SRRM3: variants seen among roughly 807,000 people sequenced by gnomAD.
SRRM3 encodes serine/arginine repetitive matrix 3.
A neutral mutation model predicts 66.2 loss-of-function variants in SRRM3; 27 were observed. The ratio of observed to expected loss-of-function variants is 0.41; its 90% CI spans 0.30 to 0.56. SRRM3 has a LOEUF of 0.56. SRRM3 is among the 20% of genes least tolerant of loss of function. The pLI is 0.32. For missense variants in SRRM3, 918 were observed against 991.9 expected (o/e 0.93, Z 1.00); for synonymous variants, 391 against 414.9 (o/e 0.94, Z 0.70).
intron 8 of SRRM3, among the ~76,000 whole-genome samples, chr7:76,263,718 C>G (rs1427739671): frequency 6.6e-6 from 1 of 151,370 alleles, no homozygotes; most frequent in Non-Finnish European, 1.5e-5. Context: ...AACAAACAAA[C>G]AAAAAATAGC....
chr7:76,219,294 A>G (rs1035021582), intron 1 of SRRM3, among the ~76,000 whole-genome samples: 1 of 152,116 alleles, frequency 6.6e-6, no homozygotes, highest in Non-Finnish European at 1.5e-5. Flanking sequence ...AAGGCTCTGT[A>G]TGACCTGTCC....
chr7:76,214,618 A>G (rs1800512926), intron 1 of SRRM3, among the ~76,000 whole-genome samples: 1 of 152,096 alleles, frequency 6.6e-6, no homozygotes, highest in African/African-American at 2.4e-5. Flanking sequence ...ACCGCTGCTC[A>G]GGGACTGTGC....
intron 11 of SRRM3, among the ~76,000 whole-genome samples, chr7:76,273,787 G>C (rs777086150): frequency 6.6e-6 from 1 of 152,028 alleles, no homozygotes; most frequent in Non-Finnish European, 1.5e-5. Flanking sequence ...GAGCTACAAA[G>C]CTATGTTTCC....
chr7:76,282,541 C>T lies in SRRM3; in HGVS notation c.1371-107C>T, dbSNP rs189948036. On this transcript the variant is annotated intron_variant, in intron 12 of 14. Coordinates refer to ENST00000611745, the MANE Select transcript of SRRM3 (RefSeq NM_001110199.3). ...CTCCGCGCGAACTGACCACAAACTA[C>T]ACGGACCCCGCCCCTCCGCCCTAAG... The T allele has an allele frequency of 4.0e-3, 2,386 of 595,774 alleles. 81 individuals carry two copies. In the African/African-American group the frequency reaches 0.045, roughly 11 times the overall value. 36.9% of individuals were successfully genotyped at this position (595,774 alleles called of 1,614,324 possible).
At chr7:76,271,489 A>T (rs1802212501) in intron 11 of SRRM3, among the ~76,000 whole-genome samples, 1 of 151,830 alleles carries the variant, frequency 6.6e-6, no homozygotes, top group African/African-American at 2.4e-5. Flanking sequence ...CAAAAATTTA[A>T]AAGAAAAAGC....
chr7:76,256,200 A>G (rs2117045803), intron 3 of SRRM3, among the ~76,000 whole-genome samples: 1 of 152,212 alleles, frequency 6.6e-6, no homozygotes, highest in Non-Finnish European at 1.5e-5. Flanking sequence ...TTAAGAGAGT[A>G]AAGGAACGAA....
In SRRM3 at chr7:76,285,609, C is replaced by T. The variant is rs982053085; in HGVS notation, c.1734-6C>T. On this transcript the variant is annotated splice_region_variant and splice_polypyrimidine_tract_variant and intron_variant, in intron 14 of 14. Coordinates refer to ENST00000611745, the MANE Select transcript of SRRM3 (RefSeq NM_001110199.3). The surrounding 1 kb of genome is among the most constrained non-coding windows in gnomAD (Gnocchi z 4.1). The stretch of plus-strand genomic sequence containing the variant: ...TGGCCTGTAATCAGCTTTTTCTTCC[C>T]GGCAGCGCCCGCAAGCGTCCTATTC... The T allele has an allele frequency of 6.8e-5, 105 of 1,546,888 alleles. No individual in the cohort carries two copies. In the Admixed American group the frequency reaches 1.1e-3, roughly 16 times the overall value.
intron 11 of SRRM3, among the ~76,000 whole-genome samples, chr7:76,275,041 G>A (rs183459042): frequency 6.6e-6 from 1 of 151,798 alleles, no homozygotes; most frequent in Non-Finnish European, 1.5e-5. Context: ...GGGAGGCAGA[G>A]GCTGCAGTGA....
At chr7:76,258,727 A>G (rs1344474707) in intron 3 of SRRM3, among the ~76,000 whole-genome samples, 10 of 146,366 alleles carry the variant, frequency 6.8e-5, no homozygotes, top group South Asian at 2.2e-4. Context: ...AAAAAAAAAA[A>G]AAAAAAGAAA....
intron 2 of SRRM3, 123 bp downstream of exon 2, chr7:76,235,422 C>A: frequency 2.2e-6 from 2 of 900,150 alleles, no homozygotes; most frequent in Non-Finnish European, 3.2e-6. Flanking sequence ...GGGCTAGGGG[C>A]TATTAGGGCG....
intron 2 of SRRM3, among the ~76,000 whole-genome samples, chr7:76,238,143 C>T (rs1288687279): frequency 1.3e-5 from 2 of 152,316 alleles, no homozygotes; most frequent in East Asian, 3.9e-4. Context: ...CTCCCAAATC[C>T]AGGCTTCCAG....
At chr7:76,283,122 G>C in intron 14 of SRRM3, 21 bp downstream of exon 14, 2 of 1,406,462 alleles carry the variant, frequency 1.4e-6, no homozygotes, top group East Asian at 2.7e-5. Context: ...TCTTGGGGGG[G>C]CCGGTGGCGC....
At chr7:76,210,494 T>G (rs1800405594) in intron 1 of SRRM3, among the ~76,000 whole-genome samples, 1 of 152,210 alleles carries the variant, frequency 6.6e-6, no homozygotes. Flanking sequence ...ATTCATTCAT[T>G]CATCACACAG....
chr7:76,203,428 C>G (rs574772622), intron 1 of SRRM3, among the ~76,000 whole-genome samples: 1 of 152,298 alleles, frequency 6.6e-6, no homozygotes, highest in South Asian at 2.1e-4. Context: ...GCAATGTCTA[C>G]TTTGCTGTTG....
chr7:76,258,390 G>C (rs564571496), intron 3 of SRRM3, among the ~76,000 whole-genome samples: 1 of 152,186 alleles, frequency 6.6e-6, no homozygotes, highest in Non-Finnish European at 1.5e-5. Context: ...CGGGGAGGGC[G>C]GAGATAGGCC....
rs1583947285 is a variant in SRRM3 at position 76,282,701 on chromosome 7, G to A, written c.1424G>A (p.Gly475Asp). Residue 475 changes from glycine (G) to aspartate (D), a missense_variant, in exon 13 of 15, where the codon GGC becomes GAC. Transcript: ENST00000611745. ...ARPASTSPSP[G>D]AHGRRGGPEG... ...CCCGCCAGCACCTCTCCGTCCCCGG[G>A]CGCGCACGGCCGGCGCGGCGGCCCA... 2.1e-6 allele frequency: 3 copies of A among 1,422,522 alleles called. No individual in the cohort carries two copies. Among genetic ancestry groups the A allele is most frequent in the Admixed American group, 6.0e-5 (2 of 33,380 alleles). The allele number at this position is 1,422,522 out of a possible 1,614,324, so 88.1% of individuals were successfully genotyped here. A position where few individuals can be genotyped will look rare whatever the true frequency, so the allele number is the denominator to read the frequency against.
At chr7:76,282,581 A>ACCC in intron 12 of SRRM3, 67 bp from the exon 13 acceptor site, 1 of 579,418 alleles carries the variant, frequency 1.7e-6, no homozygotes, top group Non-Finnish European at 2.5e-6. Flanking sequence ...GCCCCAGGGA[A>ACCC]CCCTCCCCGC....
Position 76,285,982 on chromosome 7 carries a change from G to A in SRRM3, c.*139G>A. ...TCTCAGGGCCAGTGCACGGGCAGAT[G>A]GGACCGGGGAAGACTTTGAGGGTGG... On this transcript the variant is annotated 3_prime_UTR_variant, in exon 15 of 15. Transcript: ENST00000611745. This position sits in a 1 kb window ranked among gnomAD's most constrained non-coding sequence, Gnocchi z 4.1. 1.1e-6 allele frequency: 1 copy of A among 943,400 alleles called. No homozygotes were observed. The highest frequency in any genetic ancestry group is 1.6e-6 in the Non-Finnish European group (1 of 635,708). The allele number at this position is 943,400 out of a possible 1,614,324, so 58.4% of individuals were successfully genotyped here.
intron 1 of SRRM3, among the ~76,000 whole-genome samples, chr7:76,234,408 C>T (rs1554604555): frequency 1.3e-5 from 2 of 152,056 alleles, no homozygotes; most frequent in Admixed American, 6.6e-5. Context: ...TCTTGTGGGC[C>T]CAATCTGGGT....
Sources: gnomAD v4.1 joint callset for allele counts (sites outside exome capture counted in the v4.1 genomes callset) on GRCh38, gnomAD v4.1.1 for gene constraint, Gnocchi (gnomAD v3.1) non-coding constraint, MANE v1.5 for transcripts, NCBI Gene and HGNC (gene_info 2026-07-23, HGNC 2026-07-21) for gene names.